Variants in KALRN observed in about 807,000 individuals in gnomAD.
KALRN encodes the protein kalirin.
A neutral mutation model predicts 353.7 loss-of-function variants in KALRN; 70 were observed. The ratio of observed to expected loss-of-function variants is 0.20; its 90% CI spans 0.16 to 0.24. The LOEUF is 0.24. Among genes scored for constraint, KALRN ranks in the 10% least tolerant of loss-of-function variants. The probability of loss-of-function intolerance (pLI) is 1.00; values close to 1 mark genes in which losing one functional copy is unlikely to be tolerated. For missense variants in KALRN, 2,791 were observed against 3,756.7 expected, an observed-to-expected ratio of 0.74 and a Z score of 6.72; for synonymous variants, 1,391 against 1,434.8, an observed-to-expected ratio of 0.97 and a Z score of 0.69.
At chr3:124,272,366 C>T (rs571594528) in intron 5 of KALRN, among the ~76,000 whole-genome samples, 3 of 152,114 alleles carry the variant, frequency 2.0e-5, no homozygotes, top group Non-Finnish European at 4.4e-5. Flanking sequence ...GAGACACACA[C>T]TAATGCAGTT....
intron 12 of KALRN, among the ~76,000 whole-genome samples, chr3:124,397,737 G>A (rs2090341935): frequency 6.6e-6 from 1 of 152,102 alleles, no homozygotes; most frequent in Non-Finnish European, 1.5e-5. Context: ...CGTTTGTATA[G>A]ACTCTGCCTG....
At chr3:124,188,592 A>G (rs79341303) in intron 1 of KALRN, among the ~76,000 whole-genome samples, 3,269 of 152,246 alleles carry the variant, frequency 0.021, 129 homozygotes, top group African/African-American at 0.074. Flanking sequence ...AGTATGATAG[A>G]AGGAAGTACT....
chr3:124,578,572 C>T (rs539129680), intron 34 of KALRN, among the ~76,000 whole-genome samples: 1 of 152,330 alleles, frequency 6.6e-6, no homozygotes, highest in South Asian at 2.1e-4. Context: ...GGTTCTCAGC[C>T]ATGACTTCAC....
chr3:124,638,097 A>T (rs556692472), intron 37 of KALRN, among the ~76,000 whole-genome samples: 1 of 152,132 alleles, frequency 6.6e-6, no homozygotes, highest in Non-Finnish European at 1.5e-5. Context: ...TCACCCATTT[A>T]GCTTTTCCTG....
chr3:124,061,546 C>T (rs1018549048), intron 1 of KALRN, among the ~76,000 whole-genome samples: 25 of 152,322 alleles, frequency 1.6e-4, no homozygotes, highest in Non-Finnish European at 2.2e-4. Context: ...ATAAAACCCT[C>T]TTGTTTCATT....
intron 34 of KALRN, among the ~76,000 whole-genome samples, chr3:124,619,482 CTTTTTTTTTT>C (rs59009780): frequency 9.6e-6 from 1 of 104,660 alleles, no homozygotes; most frequent in Admixed American, 1.1e-4. Flanking sequence ...TATTTTCCTT[CTTTTTTTTTT>C]TTTTTTTTTT....
Position 124,247,346 on chromosome 3 carries a change from G to A in KALRN, c.263+12403G>A, listed in dbSNP as rs75943082. Among the ~76,000 whole-genome samples the A allele has an allele frequency of 0.036, 5,463 of 152,202 alleles. 677 individuals are homozygous for A. In the East Asian group the frequency reaches 0.44, roughly 12 times the overall value. ...ACACTGAAATTTAAGCAACCAATAA[G>A]CAAGGATTACTCTTCTTCAACTACA... On this transcript the variant is annotated intron_variant, in intron 3 of 59. Coordinates refer to ENST00000682506, the MANE Select transcript of KALRN (RefSeq NM_001388419.1).
At chr3:124,495,965 G>GTATATATATATATGTATATATATATA (rs2063708500) in intron 32 of KALRN, among the ~76,000 whole-genome samples, 1 of 41,478 alleles carries the variant, frequency 2.4e-5, no homozygotes, top group Non-Finnish European at 3.9e-5. Context: ...GTGTATGTAT[G>GTATATATATATATGTATATATATATA]TATATATATA....
intron 1 of KALRN, among the ~76,000 whole-genome samples, chr3:124,080,624 T>C (rs1285562010): frequency 6.6e-6 from 1 of 152,216 alleles, no homozygotes; most frequent in Non-Finnish European, 1.5e-5. Flanking sequence ...CTTCGATTAT[T>C]TCTGGTGTTT....
At chr3:124,634,544 G>A (rs1393441648) in intron 36 of KALRN, among the ~76,000 whole-genome samples, 1 of 152,162 alleles carries the variant, frequency 6.6e-6, no homozygotes, top group East Asian at 1.9e-4. Context: ...AAATATCGAT[G>A]CCCCCTGTGT....
At chr3:124,245,230 A>G (rs1438743057) in intron 3 of KALRN, among the ~76,000 whole-genome samples, 2 of 152,202 alleles carry the variant, frequency 1.3e-5, no homozygotes, top group Admixed American at 1.3e-4. Context: ...ATGAGTGAGA[A>G]CACACAATAT....
intron 1 of KALRN, among the ~76,000 whole-genome samples, chr3:124,187,916 CCT>C (rs886258452): frequency 6.6e-6 from 1 of 152,150 alleles, no homozygotes; most frequent in African/African-American, 2.4e-5. Context: ...TGCATTTTCA[CCT>C]GGTTACTGTC....
At chr3:124,631,996 G>A (rs978566282) in intron 34 of KALRN, among the ~76,000 whole-genome samples, 5 of 152,220 alleles carry the variant, frequency 3.3e-5, no homozygotes, top group African/African-American at 1.2e-4. Context: ...CATGAGACTG[G>A]CCCTGATCAC....
chr3:124,463,817 G>T (rs757727623), intron 25 of KALRN, among the ~76,000 whole-genome samples: 2 of 152,136 alleles, frequency 1.3e-5, no homozygotes, highest in Non-Finnish European at 2.9e-5. Flanking sequence ...TTCCTGGTAT[G>T]TCATCAGATG....
intron 25 of KALRN, among the ~76,000 whole-genome samples, chr3:124,470,749 C>T (rs1411866005): frequency 1.3e-5 from 2 of 150,302 alleles, no homozygotes; most frequent in African/African-American, 2.4e-5. Context: ...GGTGTGGGAC[C>T]GCTAACTAGA....
intron 1 of KALRN, among the ~76,000 whole-genome samples, chr3:124,096,830 C>T (rs955955510): frequency 6.6e-6 from 1 of 152,128 alleles, no homozygotes. Context: ...CAGTGTCAGG[C>T]GTTTTGGAAA....
intron 34 of KALRN, among the ~76,000 whole-genome samples, chr3:124,628,697 T>G (rs1021486094): frequency 7.3e-5 from 11 of 150,316 alleles, no homozygotes; most frequent in Non-Finnish European, 1.6e-4. Context: ...TGCCTCAGCC[T>G]CCCAAGTAGC....
intron 37 of KALRN, among the ~76,000 whole-genome samples, chr3:124,646,391 C>CT (rs10673161): frequency 0.19 from 21,177 of 110,464 alleles, 3,440 homozygotes; most frequent in Middle Eastern, 0.36. Context: ...CTTTTGTTTA[C>CT]TTTTTTTTTT....
intron 34 of KALRN, among the ~76,000 whole-genome samples, chr3:124,593,204 CTTG>C (rs1393060909): frequency 6.6e-6 from 1 of 151,964 alleles, no homozygotes; most frequent in Non-Finnish European, 1.5e-5. Flanking sequence ...GAAACCAAGC[CTTG>C]TTGTTTAAAA....
Sources: gnomAD v4.1 joint callset for allele counts (sites outside exome capture counted in the v4.1 genomes callset) on GRCh38, gnomAD v4.1.1 for gene constraint, MANE v1.5 for transcripts, NCBI Gene and HGNC (gene_info 2026-07-23, HGNC 2026-07-21) for gene names.